The following ANKS1B variants were observed in gnomAD, a reference collection of about 807,000 sequenced individuals.
ANKS1B encodes the protein ankyrin repeat and sterile alpha motif domain containing 1B.
Under a neutral mutation model 148.3 loss-of-function variants are expected in ANKS1B, and 36 were observed. The ratio of observed to expected loss-of-function variants is 0.24; its 90% CI spans 0.19 to 0.32. The LOEUF (loss-of-function observed/expected upper bound fraction) is 0.32. Among genes scored for constraint, ANKS1B ranks in the 10% least tolerant of loss-of-function variants. The pLI is 1.00. For missense variants in ANKS1B, 1,157 were observed against 1,542.6 expected, an observed-to-expected ratio of 0.75 and a Z score of 4.19; for synonymous variants, 542 against 560.8, an observed-to-expected ratio of 0.97 and a Z score of 0.47.
Position 99,865,231 on chromosome 12 carries a change from C to T in ANKS1B, c.135-39842G>A, listed in dbSNP as rs1020176758. Among the ~76,000 whole-genome samples, 18 of 152,200 alleles carry T rather than the reference C, an allele frequency of 1.2e-4. No individual in the cohort carries two copies. The South Asian group carries it at 1.7e-3, about 14-fold the overall frequency. On this transcript the variant is annotated intron_variant, in intron 1 of 26. Transcript: ENST00000683438. ...CACTCTATGTTACTGCTTACTTCAACGGGAAAAGAATATATTTACACTTTG... is the reference window on the plus strand; with the variant it reads ...CACTCTATGTTACTGCTTACTTCAATGGGAAAAGAATATATTTACACTTTG...
At chr12:99,819,978 A>C (rs536832168) in intron 2 of ANKS1B, among the ~76,000 whole-genome samples, 3 of 151,812 alleles carry the variant, frequency 2.0e-5, no homozygotes, top group Admixed American at 1.3e-4. Flanking sequence ...GAGGAGAATT[A>C]AGGGATTTGA....
intron 8 of ANKS1B, among the ~76,000 whole-genome samples, chr12:99,685,779 C>T (rs1221717111): frequency 6.6e-6 from 1 of 151,648 alleles, no homozygotes; most frequent in Non-Finnish European, 1.5e-5. Context: ...CACATATATA[C>T]ACAATGGAAT....
chr12:99,064,471 A>C (rs200750634), intron 16 of ANKS1B, among the ~76,000 whole-genome samples: 1 of 36,494 alleles, frequency 2.7e-5, no homozygotes, highest in Non-Finnish European at 1.1e-4. Flanking sequence ...CATCAGGGAT[A>C]GGGGCACGCC....
chr12:98,894,852 G>C, intron 17 of ANKS1B: 1 of 980,748 alleles, frequency 1.0e-6, no homozygotes, highest in African/African-American at 1.8e-5. Flanking sequence ...GCCGAGCGCC[G>C]GGCTCTCCCC....
chr12:99,157,852 G>A (rs905258304), intron 14 of ANKS1B, among the ~76,000 whole-genome samples: 1 of 152,140 alleles, frequency 6.6e-6, no homozygotes, highest in African/African-American at 2.4e-5. Flanking sequence ...TATTTGTGGT[G>A]GGGATTATTT....
intron 12 of ANKS1B, among the ~76,000 whole-genome samples, chr12:99,297,686 C>T (rs563633415): frequency 6.6e-6 from 1 of 152,186 alleles, no homozygotes; most frequent in East Asian, 1.9e-4. Flanking sequence ...CCTTACGTGG[C>T]CTTCATTCAA....
At chr12:99,563,869 T>C (rs953593334) in intron 9 of ANKS1B, among the ~76,000 whole-genome samples, 5 of 152,192 alleles carry the variant, frequency 3.3e-5, no homozygotes, top group Admixed American at 6.5e-5. Flanking sequence ...ATAGACAATA[T>C]ATTGTACTAT....
At chr12:99,840,763 C>A (rs1052767426) in intron 1 of ANKS1B, among the ~76,000 whole-genome samples, 1 of 152,166 alleles carries the variant, frequency 6.6e-6, no homozygotes, top group Non-Finnish European at 1.5e-5. Context: ...GTATAATAAT[C>A]ATGTATCTCT....
At chr12:98,964,445 G>C (rs765184297) in intron 17 of ANKS1B, among the ~76,000 whole-genome samples, 2 of 152,128 alleles carry the variant, frequency 1.3e-5, no homozygotes, top group Non-Finnish European at 2.9e-5. Flanking sequence ...CCCACTGCTA[G>C]GTATATACCC....
chr12:99,834,851 G>A (rs1400304410), intron 1 of ANKS1B, among the ~76,000 whole-genome samples: 1 of 152,182 alleles, frequency 6.6e-6, no homozygotes, highest in African/African-American at 2.4e-5. Context: ...TACAGAATGT[G>A]CATTTAATGC....
chr12:99,425,769 G>GA (rs1421380226), intron 11 of ANKS1B, among the ~76,000 whole-genome samples: 1 of 151,778 alleles, frequency 6.6e-6, no homozygotes, highest in African/African-American at 2.4e-5. Flanking sequence ...CTGTGGATGT[G>GA]TTAGTCTTCT....
chr12:98,884,191 T>C (rs1460991294), intron 17 of ANKS1B, among the ~76,000 whole-genome samples: 1 of 152,218 alleles, frequency 6.6e-6, no homozygotes, highest in African/African-American at 2.4e-5. Flanking sequence ...ACTTTACTAG[T>C]GTTAGTGTAT....
chr12:98,756,179 C>T (rs539455245), intron 25 of ANKS1B, among the ~76,000 whole-genome samples: 10 of 152,114 alleles, frequency 6.6e-5, no homozygotes, highest in Non-Finnish European at 1.3e-4. Context: ...ATAATTCCCA[C>T]GTGTTGTGAG....
intron 17 of ANKS1B, among the ~76,000 whole-genome samples, chr12:98,915,803 A>G (rs1363747656): frequency 6.6e-6 from 1 of 152,244 alleles, no homozygotes; most frequent in Non-Finnish European, 1.5e-5. Flanking sequence ...ACTGAAGGCC[A>G]GTGAAGTTGA....
At chr12:99,868,962 C>T (rs1229042695) in intron 1 of ANKS1B, among the ~76,000 whole-genome samples, 6 of 152,090 alleles carry the variant, frequency 3.9e-5, no homozygotes, top group African/African-American at 1.4e-4. Context: ...GAGGCTAAGG[C>T]ATGAGAATAG....
chr12:99,727,564 C>A (rs149980039), intron 8 of ANKS1B, among the ~76,000 whole-genome samples: 7 of 152,198 alleles, frequency 4.6e-5, no homozygotes, highest in African/African-American at 1.7e-4. Context: ...GCCATTCTGC[C>A]CAAAGTAATT....
intron 1 of ANKS1B, among the ~76,000 whole-genome samples, chr12:99,977,094 C>T (rs376857242): frequency 2.0e-5 from 3 of 152,282 alleles, no homozygotes; most frequent in South Asian, 2.1e-4. Context: ...TTAATCCATT[C>T]ATACATGCAG....
intron 12 of ANKS1B, among the ~76,000 whole-genome samples, chr12:99,359,160 T>C (rs2092285914): frequency 6.6e-6 from 1 of 152,146 alleles, no homozygotes; most frequent in Admixed American, 6.6e-5. Context: ...CAGTATCTCA[T>C]TTGGTTTGGA....
At chr12:99,200,497 A>G (rs955822300) in intron 14 of ANKS1B, among the ~76,000 whole-genome samples, 1 of 152,208 alleles carries the variant, frequency 6.6e-6, no homozygotes, top group Non-Finnish European at 1.5e-5. Context: ...GTTTCAAATT[A>G]TTATTTTTTT....
Sources: allele counts gnomAD v4.1 joint callset (sites outside exome capture counted in the v4.1 genomes callset), GRCh38; gene constraint gnomAD v4.1.1; transcripts MANE v1.5; gene names NCBI Gene and HGNC (gene_info 2026-07-23, HGNC 2026-07-21).